The following LAPTM4B variants were observed in gnomAD, a reference collection of about 807,000 sequenced individuals.
LAPTM4B encodes the protein lysosomal-associated transmembrane protein 4B.
In LAPTM4B, 26 loss-of-function variants were observed where a neutral mutation model predicts 28.5. The observed-to-expected ratio is 0.91, with a 90% CI of 0.67 to 1.27. The LOEUF (loss-of-function observed/expected upper bound fraction) is 1.27. LAPTM4B is among the 50% of genes most tolerant of loss of function. The probability of loss-of-function intolerance (pLI) is 0.00; values close to 1 mark genes in which losing one functional copy is unlikely to be tolerated. For synonymous variants in LAPTM4B, 109 were observed against 106.4 expected (o/e 1.02, Z -0.15); for missense variants, 288 against 285.8 (o/e 1.01, Z -0.06).
chr8:97,847,544 C>T (rs1313484922), intron 6 of LAPTM4B, among the ~76,000 whole-genome samples: 1 of 152,208 alleles, frequency 6.6e-6, no homozygotes, highest in Non-Finnish European at 1.5e-5. Context: ...TGTTCTATGG[C>T]ATCTTGATGG....
At chr8:97,842,430 C>A (rs1204693940) in intron 6 of LAPTM4B, among the ~76,000 whole-genome samples, 1 of 152,164 alleles carries the variant, frequency 6.6e-6, no homozygotes, top group Non-Finnish European at 1.5e-5. Flanking sequence ...GTAGCCCCTG[C>A]TTTTGGCTTG....
chr8:97,818,663 G>A (rs578192469), intron 4 of LAPTM4B, among the ~76,000 whole-genome samples: 1 of 152,288 alleles, frequency 6.6e-6, no homozygotes, highest in African/African-American at 2.4e-5. Context: ...CCTCATTTTA[G>A]TAGGTTTCTG....
intron 1 of LAPTM4B, among the ~76,000 whole-genome samples, chr8:97,777,856 T>C (rs542714661): frequency 6.6e-6 from 1 of 152,362 alleles, no homozygotes; most frequent in African/African-American, 2.4e-5. Flanking sequence ...GTGCTTTTAT[T>C]GATGATCAAG....
intron 1 of LAPTM4B, among the ~76,000 whole-genome samples, chr8:97,803,182 G>C (rs1816713770): frequency 6.9e-6 from 1 of 144,586 alleles, no homozygotes; most frequent in Non-Finnish European, 1.5e-5. Context: ...CTGGGTGACA[G>C]AGTGAGACTC....
chr8:97,816,828 C>T (rs62524112), intron 4 of LAPTM4B, among the ~76,000 whole-genome samples: 68,617 of 151,906 alleles, frequency 0.45, 15,980 homozygotes, highest in East Asian at 0.58. Context: ...TGACCCTAGC[C>T]ACTCGGGAGG....
intron 1 of LAPTM4B, 132 bp downstream of exon 1, chr8:97,776,240 C>A: frequency 8.8e-7 from 1 of 1,132,682 alleles, no homozygotes; most frequent in Non-Finnish European, 1.2e-6. Flanking sequence ...ACTTAATTCT[C>A]CGGGTGCCGC....
At chr8:97,849,796 C>G (rs1186431982) in intron 6 of LAPTM4B, among the ~76,000 whole-genome samples, 22 of 151,792 alleles carry the variant, frequency 1.4e-4, no homozygotes, top group African/African-American at 4.9e-4. Flanking sequence ...GCCGCCACCC[C>G]CCCTCCTCCA....
At chr8:97,849,957 C>T (rs751592250) in intron 6 of LAPTM4B, among the ~76,000 whole-genome samples, 2 of 151,432 alleles carry the variant, frequency 1.3e-5, no homozygotes, top group Non-Finnish European at 2.9e-5. Context: ...CTCCCGGGAA[C>T]GGCTTCCCGC....
intron 6 of LAPTM4B, among the ~76,000 whole-genome samples, chr8:97,847,473 G>A (rs1586348414): frequency 6.6e-6 from 1 of 152,180 alleles, no homozygotes; most frequent in Non-Finnish European, 1.5e-5. Context: ...AAAACAAAAA[G>A]AGTGGTTTTA....
chr8:97,796,662 G>A (rs1439553123), intron 1 of LAPTM4B, among the ~76,000 whole-genome samples: 3 of 152,274 alleles, frequency 2.0e-5, no homozygotes, highest in African/African-American at 4.8e-5. Flanking sequence ...GGGCACGTCC[G>A]GGCGCAGTGA....
chr8:97,841,580 A>G (rs7833539), intron 6 of LAPTM4B, among the ~76,000 whole-genome samples: 82,587 of 151,988 alleles, frequency 0.54, 22,891 homozygotes, highest in Non-Finnish European at 0.61. Flanking sequence ...CACCTGCCTC[A>G]GCCTCCCAAA....
At chr8:97,783,091 T>TTA (rs1491341251) in intron 1 of LAPTM4B, among the ~76,000 whole-genome samples, 11 of 136,132 alleles carry the variant, frequency 8.1e-5, no homozygotes, top group African/African-American at 1.2e-4. Context: ...TTTTTTTTTT[T>TTA]AAATATCCTT....
intron 1 of LAPTM4B, among the ~76,000 whole-genome samples, chr8:97,799,838 CT>C (rs1361162189): frequency 2.0e-5 from 3 of 152,174 alleles, no homozygotes; most frequent in Non-Finnish European, 4.4e-5. Flanking sequence ...TTTATACCCC[CT>C]GACCCTGGCG....
At chr8:97,777,510 C>G (rs1816243249) in intron 1 of LAPTM4B, among the ~76,000 whole-genome samples, 1 of 151,692 alleles carries the variant, frequency 6.6e-6, no homozygotes, top group Admixed American at 6.6e-5. Context: ...TTTATTGGGC[C>G]CATTTTTGGG....
At chr8:97,794,300 T>A (rs1816548944) in intron 1 of LAPTM4B, among the ~76,000 whole-genome samples, 1 of 152,120 alleles carries the variant, frequency 6.6e-6, no homozygotes, top group Non-Finnish European at 1.5e-5. Flanking sequence ...TAATTTAAAA[T>A]TTTTTAATAA....
intron 1 of LAPTM4B, among the ~76,000 whole-genome samples, chr8:97,776,634 C>T (rs568921736): frequency 1.3e-5 from 2 of 152,260 alleles, no homozygotes; most frequent in South Asian, 4.1e-4. Flanking sequence ...CGCCGTCGCA[C>T]GTTCGGATCC....
rs1422087935 is a variant in LAPTM4B at position 97,852,625 on chromosome 8, T to C, written c.*1151T>C. The C allele has an allele frequency of 6.6e-6, 1 of 150,612 alleles. No homozygotes were observed. The highest frequency in any genetic ancestry group is 1.4e-5 in the Non-Finnish European group (1 of 69,362). 9.3% of individuals were successfully genotyped at this position (150,612 alleles called of 1,614,324 possible). A position where few individuals can be genotyped will look rare whatever the true frequency, so the allele number is the denominator to read the frequency against. The stretch of plus-strand genomic sequence containing the variant: ...AGATGACCTTGTGATTTTGTGCTGA[T>C]TGTGTCTGAGGACCTTTCCCTCCAC... On this transcript the variant is annotated 3_prime_UTR_variant, in exon 7 of 7. Coordinates refer to ENST00000521545, the MANE Select transcript of LAPTM4B (RefSeq NM_018407.6).
chr8:97,781,997 T>C (rs1225512188), intron 1 of LAPTM4B, among the ~76,000 whole-genome samples: 7 of 137,826 alleles, frequency 5.1e-5, no homozygotes, highest in African/African-American at 1.7e-4. Context: ...TTTTTTTTTT[T>C]GAGACAGAGT....
At chr8:97,779,209 G>A (rs1222213579) in intron 1 of LAPTM4B, among the ~76,000 whole-genome samples, 3 of 152,080 alleles carry the variant, frequency 2.0e-5, no homozygotes, top group Admixed American at 6.6e-5. Context: ...GGCCAAGTGC[G>A]GTGGCTCACG....
Sources: allele counts gnomAD v4.1 joint callset (sites outside exome capture counted in the v4.1 genomes callset), GRCh38; gene constraint gnomAD v4.1.1; transcripts MANE v1.5; gene names NCBI Gene and HGNC (gene_info 2026-07-23, HGNC 2026-07-21).